The following RFX3 variants were observed in gnomAD, a reference collection of about 807,000 sequenced individuals.
RFX3 encodes the protein regulatory factor X3.
RFX3 carries 14 observed loss-of-function variants against 98.6 expected under a neutral mutation model. The observed-to-expected ratio is 0.14, with a 90% CI of 0.09 to 0.22. The LOEUF is 0.22. Among genes scored for constraint, RFX3 ranks in the 10% least tolerant of loss-of-function variants. RFX3 has a pLI of 1.00. For synonymous variants in RFX3, 383 were observed against 328.4 expected (o/e 1.17, Z -1.80); for missense variants, 639 against 926.9 (o/e 0.69, Z 4.03).
At chr9:3,414,254 T>C (rs1306201250) in intron 1 of RFX3, among the ~76,000 whole-genome samples, 2 of 152,132 alleles carry the variant, frequency 1.3e-5, no homozygotes, top group African/African-American at 4.8e-5. Context: ...TACAATACTT[T>C]TAATGTTTTC....
chr9:3,341,021 T>C (rs1318481277), intron 3 of RFX3, among the ~76,000 whole-genome samples: 1 of 152,084 alleles, frequency 6.6e-6, no homozygotes, highest in Non-Finnish European at 1.5e-5. Flanking sequence ...CCAACAACAA[T>C]AGACTGGATT....
At chr9:3,379,683 G>C (rs939129302) in intron 2 of RFX3, among the ~76,000 whole-genome samples, 4 of 151,898 alleles carry the variant, frequency 2.6e-5, no homozygotes, top group African/African-American at 9.7e-5. Context: ...CACACACACA[G>C]AGATAACTGA....
intron 7 of RFX3, among the ~76,000 whole-genome samples, chr9:3,279,751 G>C (rs1387275012): frequency 1.3e-5 from 2 of 151,834 alleles, no homozygotes; most frequent in Non-Finnish European, 2.9e-5. Flanking sequence ...GGAGACAGCT[G>C]TTAGTATTGC....
intron 1 of RFX3, among the ~76,000 whole-genome samples, chr9:3,474,089 C>G (rs528610777): frequency 2.0e-5 from 3 of 152,060 alleles, no homozygotes; most frequent in Admixed American, 2.0e-4. Flanking sequence ...GGGCTGGGAA[C>G]CACACTTTGA....
chr9:3,447,262 TCAGTCAATA>T (rs1846136542), intron 1 of RFX3, among the ~76,000 whole-genome samples: 1 of 152,252 alleles, frequency 6.6e-6, no homozygotes, highest in South Asian at 2.1e-4. Flanking sequence ...TATAAAGTAC[TCAGTCAATA>T]ACAGTGGACT....
intron 2 of RFX3, among the ~76,000 whole-genome samples, chr9:3,355,480 G>C (rs1001396126): frequency 6.6e-6 from 1 of 151,710 alleles, no homozygotes; most frequent in African/African-American, 2.4e-5. Context: ...ATTTCATTAA[G>C]AAAAATATCA....
chr9:3,466,672 G>A (rs1004445725), intron 1 of RFX3, among the ~76,000 whole-genome samples: 1 of 152,024 alleles, frequency 6.6e-6, no homozygotes, highest in Non-Finnish European at 1.5e-5. Context: ...AAAATACCAA[G>A]AGATTCAAAG....
At chr9:3,448,691 CA>C (rs1846275107) in intron 1 of RFX3, among the ~76,000 whole-genome samples, 1 of 152,064 alleles carries the variant, frequency 6.6e-6, no homozygotes, top group African/African-American at 2.4e-5. Context: ...GCCAATTCTT[CA>C]AATTTTTTGT....
chr9:3,507,574 T>C (rs1448922627), intron 1 of RFX3, among the ~76,000 whole-genome samples: 1 of 151,866 alleles, frequency 6.6e-6, no homozygotes, highest in Non-Finnish European at 1.5e-5. Context: ...TCTTAACCAA[T>C]ACATAATACA....
intron 4 of RFX3, among the ~76,000 whole-genome samples, chr9:3,328,655 TTAAAA>T (rs533991444): frequency 1.9e-3 from 287 of 152,172 alleles, no homozygotes; most frequent in African/African-American, 2.8e-3. Context: ...AAATAGCGAA[TTAAAA>T]TAAAGAGTTT....
At chr9:3,271,709 G>A (rs1563837079) in intron 9 of RFX3, among the ~76,000 whole-genome samples, 1 of 152,168 alleles carries the variant, frequency 6.6e-6, no homozygotes, top group African/African-American at 2.4e-5. Flanking sequence ...GGCCATCACA[G>A]CAGGTGGAAG....
chr9:3,224,213 C>G lies in RFX3; in HGVS notation c.*829G>C, dbSNP rs528138678. On this transcript the variant is annotated 3_prime_UTR_variant, in exon 17 of 17. Transcript: ENST00000617270. ...CTTTTTTTTCTGCTTCAGTATCTAA[C>G]TATAACAGCCCCCACTTAACAGCAG... The G allele has an allele frequency of 6.6e-6, 1 of 151,336 alleles. No homozygotes were observed. Among genetic ancestry groups the G allele is most frequent in the South Asian group, 2.1e-4 (1 of 4,788 alleles). 9.4% of individuals were successfully genotyped at this position (151,336 alleles called of 1,614,324 possible).
At chr9:3,350,590 C>T (rs1035242287) in intron 2 of RFX3, among the ~76,000 whole-genome samples, 1 of 152,160 alleles carries the variant, frequency 6.6e-6, no homozygotes, top group East Asian at 1.9e-4. Context: ...TGTAAACTTA[C>T]GTATACACAA....
At chr9:3,435,109 G>A in intron 1 of RFX3, among the ~76,000 whole-genome samples, 1 of 151,884 alleles carries the variant, frequency 6.6e-6, no homozygotes, top group Non-Finnish European at 1.5e-5. Flanking sequence ...AGTCAGGTCT[G>A]GGTGAGTCAA....
At chr9:3,410,689 G>C (rs1360927235) in intron 1 of RFX3, among the ~76,000 whole-genome samples, 1 of 152,194 alleles carries the variant, frequency 6.6e-6, no homozygotes, top group African/African-American at 2.4e-5. Context: ...ATCAGTTTTA[G>C]ATGGCAGGTT....
At chr9:3,519,518 T>C (rs1379895970) in intron 1 of RFX3, among the ~76,000 whole-genome samples, 2 of 152,204 alleles carry the variant, frequency 1.3e-5, no homozygotes, top group African/African-American at 4.8e-5. Flanking sequence ...TGAACACATA[T>C]TGTGTCAAAT....
intron 1 of RFX3, among the ~76,000 whole-genome samples, chr9:3,504,849 TTA>T (rs1234661387): frequency 1.4e-4 from 4 of 28,862 alleles, no homozygotes; most frequent in Non-Finnish European, 2.9e-4. Context: ...AATATATATA[TTA>T]TATATGATAT....
At chr9:3,504,710 T>G (rs933223632) in intron 1 of RFX3, among the ~76,000 whole-genome samples, 28 of 128,808 alleles carry the variant, frequency 2.2e-4, no homozygotes, top group Non-Finnish European at 3.3e-4. Context: ...GTATATATTG[T>G]ATATAAAATA....
intron 1 of RFX3, among the ~76,000 whole-genome samples, chr9:3,459,402 C>CA (rs1245579630): frequency 3.9e-5 from 6 of 152,066 alleles, no homozygotes; most frequent in African/African-American, 1.4e-4. Flanking sequence ...AAGTGGAAGA[C>CA]ACATGGTAAG....
Sources: allele counts gnomAD v4.1 joint callset (sites outside exome capture counted in the v4.1 genomes callset), GRCh38; gene constraint gnomAD v4.1.1; transcripts MANE v1.5; gene names NCBI Gene and HGNC (gene_info 2026-07-23, HGNC 2026-07-21).